CNNM2: variants seen among roughly 807,000 people sequenced by gnomAD.
The protein encoded by CNNM2 is metal transporter CNNM2.
Under a neutral mutation model 66.9 loss-of-function variants are expected in CNNM2, and 12 were observed. That is an observed-to-expected ratio of 0.18 (90% confidence interval 0.11 to 0.29). The LOEUF (loss-of-function observed/expected upper bound fraction) is 0.29. CNNM2 is among the 10% of genes least tolerant of loss of function. The pLI, the probability that CNNM2 is intolerant of heterozygous loss-of-function variation, is 1.00. For missense variants in CNNM2, 705 were observed against 1,167.7 expected (o/e 0.60, Z 5.77); for synonymous variants, 557 against 501.8 (o/e 1.11, Z -1.47).
chr10:103,001,702 C>T (rs866768870), intron 1 of CNNM2, among the ~76,000 whole-genome samples: 8 of 152,174 alleles, frequency 5.3e-5, no homozygotes, highest in Admixed American at 3.3e-4. Context: ...CCTAAATGTA[C>T]GAACTAAAGC....
At chr10:103,034,341 A>AAAAC in intron 1 of CNNM2, among the ~76,000 whole-genome samples, 1 of 150,980 alleles carries the variant, frequency 6.6e-6, no homozygotes, top group East Asian at 1.9e-4. Flanking sequence ...TTTTAAAAAC[A>AAAAC]AAACAAAACA....
Position 102,982,676 on chromosome 10 carries a change from AT to A in CNNM2, c.1621+62578del, listed in dbSNP as rs548785775. Among the ~76,000 whole-genome samples, 135 of 152,322 alleles carry A rather than the reference AT, an allele frequency of 8.9e-4. No homozygotes were observed. Among genetic ancestry groups the A allele is most frequent in the African/African-American group, 2.8e-3 (115 of 41,566 alleles). ...AGTAATTGTTTTCATGAGTGTATTA[AT>A]TTGACTCTGGAACTTGTAAGCAACT... On this transcript the variant is annotated intron_variant, in intron 1 of 7. Transcript: ENST00000369878.
chr10:102,962,314 C>CT (rs2063395063), intron 1 of CNNM2, among the ~76,000 whole-genome samples: 2 of 152,224 alleles, frequency 1.3e-5, no homozygotes, highest in Admixed American at 1.3e-4. Context: ...CACATATATC[C>CT]TGGAAACGTA....
intron 1 of CNNM2, among the ~76,000 whole-genome samples, chr10:102,998,029 GT>G (rs571145997): frequency 4.0e-5 from 6 of 148,226 alleles, no homozygotes; most frequent in Non-Finnish European, 6.0e-5. Context: ...AAGTGTTTTT[GT>G]TTTTTTTTTC....
At chr10:103,057,143 G>A (rs919494817) in intron 4 of CNNM2, among the ~76,000 whole-genome samples, 179 bp downstream of exon 4, 5 of 152,102 alleles carry the variant, frequency 3.3e-5, no homozygotes, top group South Asian at 2.1e-4. Context: ...ATAAAGCAAT[G>A]CCAATAGTTA....
At chr10:102,928,975 G>A (rs574973231) in intron 1 of CNNM2, among the ~76,000 whole-genome samples, 113 of 152,192 alleles carry the variant, frequency 7.4e-4, no homozygotes, top group Non-Finnish European at 1.2e-3. Flanking sequence ...AAGTGGCTAG[G>A]CTCGCTGGGC....
chr10:103,066,624 C>A (rs1417245229), intron 4 of CNNM2, among the ~76,000 whole-genome samples: 1 of 152,258 alleles, frequency 6.6e-6, no homozygotes, highest in Non-Finnish European at 1.5e-5. Flanking sequence ...CTCATGCTGT[C>A]CCTTTCTCTT....
rs886046668 is a variant in CNNM2, at chr10:102,918,416, G to A, written c.-65G>A. The A allele has an allele frequency of 5.1e-6, 8 of 1,556,998 alleles. No homozygotes were observed. Among genetic ancestry groups the A allele is most frequent in the South Asian group, 3.5e-5 (3 of 85,440 alleles). ...GACGCTCCGTTGCAGTCTCGCCCAG[G>A]GGCCGGTACCTGCGCTCGCGCCGCC... On this transcript the variant is annotated 5_prime_UTR_variant, in exon 1 of 8. Coordinates refer to ENST00000369878, the MANE Select transcript of CNNM2 (RefSeq NM_017649.5). The surrounding 1 kb of genome is among the most constrained non-coding windows in gnomAD (Gnocchi z 4.1).
chr10:103,045,869 T>A (rs2065120027), intron 1 of CNNM2, among the ~76,000 whole-genome samples: 1 of 152,222 alleles, frequency 6.6e-6, no homozygotes, highest in Non-Finnish European at 1.5e-5. Context: ...GGTCCCAAAC[T>A]CCTGGCCTCA....
At chr10:102,959,485 A>T (rs909424206) in intron 1 of CNNM2, among the ~76,000 whole-genome samples, 3 of 152,262 alleles carry the variant, frequency 2.0e-5, no homozygotes, top group Admixed American at 6.5e-5. Context: ...GATATCAGAC[A>T]TCTGGCTTTG....
intron 1 of CNNM2, among the ~76,000 whole-genome samples, chr10:103,035,523 CAGAG>C (rs755849127): frequency 6.6e-6 from 1 of 152,092 alleles, no homozygotes; most frequent in African/African-American, 2.4e-5. Flanking sequence ...TTTAAATACT[CAGAG>C]AGAGAAATAA....
intron 1 of CNNM2, among the ~76,000 whole-genome samples, chr10:103,029,994 G>A (rs990561509): frequency 9.2e-5 from 14 of 152,188 alleles, no homozygotes; most frequent in Admixed American, 3.9e-4. Flanking sequence ...GTCTAGGTGA[G>A]GTTAGGAAGA....
intron 1 of CNNM2, among the ~76,000 whole-genome samples, chr10:103,038,530 G>A (rs917165318): frequency 6.6e-6 from 1 of 152,186 alleles, no homozygotes. Flanking sequence ...TGTCATCGAC[G>A]CTAATAGATA....
intron 1 of CNNM2, among the ~76,000 whole-genome samples, chr10:103,030,231 G>A (rs937342687): frequency 2.6e-5 from 4 of 152,144 alleles, no homozygotes; most frequent in Admixed American, 1.3e-4. Flanking sequence ...GAACTTAAAC[G>A]TTCCTAAATG....
chr10:102,919,928 T>C lies in CNNM2; in HGVS notation c.1448T>C (p.Val483Ala). Residue 483 changes from valine to alanine, a missense_variant, in exon 1 of 8, where the codon GTG becomes GCG. Physicochemically the swap from Val to Ala is moderately conservative, Grantham distance 64. Around this residue, in one of 9 missense-constraint regions of CNNM2, gnomAD observed 171 missense variants for 304.8 expected, o/e 0.56. Coordinates refer to ENST00000369878, the MANE Select transcript of CNNM2 (RefSeq NM_017649.5). Reference protein sequence around the residue: ...IMESGYTRIPVFEGERSNIVD... With the variant: ...IMESGYTRIPAFEGERSNIVD... ...GAGAGCGGCTACACCCGCATTCCAGTGTTTGAAGGGGAGCGCTCCAATATC... is the reference window on the plus strand; with the variant it reads ...GAGAGCGGCTACACCCGCATTCCAGCGTTTGAAGGGGAGCGCTCCAATATC... 1 of 1,614,222 alleles carries C rather than the reference T, an allele frequency of 6.2e-7. No homozygotes were observed. Among genetic ancestry groups the C allele is most frequent in the African/African-American group, 1.3e-5 (1 of 75,056 alleles).
rs530950989 is a variant in CNNM2, at chr10:103,039,467, C to T, written c.1622-10240C>T. Among the ~76,000 whole-genome samples the T allele has an allele frequency of 4.6e-5, 7 of 152,116 alleles. No individual in the cohort carries two copies. In the South Asian group the frequency reaches 8.3e-4, roughly 18 times the overall value. On this transcript the variant is annotated intron_variant, in intron 1 of 7. Transcript: ENST00000369878. Reference sequence around the variant, plus strand: ...TACTAGGTTGATCTCCACAGTAGTCCGAAGACTTGCAAGGCACATATCAGC... The same window carrying T: ...TACTAGGTTGATCTCCACAGTAGTCTGAAGACTTGCAAGGCACATATCAGC...
intron 1 of CNNM2, among the ~76,000 whole-genome samples, chr10:102,941,209 C>T (rs1006880520): frequency 6.6e-6 from 1 of 152,062 alleles, no homozygotes; most frequent in Non-Finnish European, 1.5e-5. Flanking sequence ...TTCATCTTAC[C>T]AGTTTGTTAA....
chr10:103,049,972 G>A, intron 2 of CNNM2, 122 bp downstream of exon 2: 2 of 892,046 alleles, frequency 2.2e-6, no homozygotes, highest in Non-Finnish European at 3.4e-6. Context: ...ATGTGTGTAG[G>A]CCGTGCACAA....
chr10:102,981,998 C>T (rs1310749884), intron 1 of CNNM2, among the ~76,000 whole-genome samples: 1 of 151,988 alleles, frequency 6.6e-6, no homozygotes, highest in African/African-American at 2.4e-5. Flanking sequence ...AAATGGAATG[C>T]ATAAGTGCTT....
Sources: allele counts gnomAD v4.1 joint callset (sites outside exome capture counted in the v4.1 genomes callset), GRCh38; gene constraint gnomAD v4.1.1; regional missense constraint gnomAD v4.1.1; non-coding constraint Gnocchi (gnomAD v3.1); transcripts MANE v1.5; gene names NCBI Gene and HGNC (gene_info 2026-07-23, HGNC 2026-07-21).